The following DIAPH1 variants were observed in gnomAD, a reference collection of about 807,000 sequenced individuals.
DIAPH1 encodes protein diaphanous homolog 1.
A neutral mutation model predicts 140.7 loss-of-function variants in DIAPH1; 46 were observed. That is an observed-to-expected ratio of 0.33 (90% CI 0.26 to 0.42). The LOEUF is 0.42. Ranked by LOEUF, DIAPH1 falls within the 10% of genes least tolerant of loss-of-function variation. The pLI is 1.00. For synonymous variants in DIAPH1, 565 were observed against 551.6 expected (o/e 1.02, Z -0.34); for missense variants, 1,310 against 1,558.7 (o/e 0.84, Z 2.69).
chr5:141,581,563 A>G (rs2099896751), intron 7 of DIAPH1, among the ~76,000 whole-genome samples: 1 of 152,232 alleles, frequency 6.6e-6, no homozygotes, highest in South Asian at 2.1e-4. Flanking sequence ...TAAGTTAATT[A>G]TAACAAAATT....
At position 141,578,262 on chromosome 5, in the gene DIAPH1, G is replaced by A. The variant is rs141629026; in HGVS notation, c.1126C>T (p.Leu376=). The change falls in exon 11 of 28, where the codon CTG becomes TTG. Residue 376 remains leucine, a synonymous_variant. Transcript: ENST00000389054. The part of the protein sequence containing the change: ...DEQGEEDSYD[L]KGRLDDIRME... Reference sequence around the variant, plus strand: ...CGAATGTCATCCAGCCGTCCCTTCAGGTCATAGGAATCCTCTTCCCCTTGT... The same window carrying A: ...CGAATGTCATCCAGCCGTCCCTTCAAGTCATAGGAATCCTCTTCCCCTTGT... 2 of 1,614,024 alleles carry A rather than the reference G, an allele frequency of 1.2e-6. No individual in the cohort carries two copies. Among genetic ancestry groups the A allele is most frequent in the Non-Finnish European group, 1.7e-6 (2 of 1,179,938 alleles).
At chr5:141,595,167 G>A (rs775038116) in intron 1 of DIAPH1, among the ~76,000 whole-genome samples, 1 of 152,162 alleles carries the variant, frequency 6.6e-6, no homozygotes, top group Non-Finnish European at 1.5e-5. Flanking sequence ...AGGGTTGGGG[G>A]AGGCAGGTAG....
chr5:141,572,664 G>C (rs935577906), intron 16 of DIAPH1, among the ~76,000 whole-genome samples: 2 of 151,930 alleles, frequency 1.3e-5, no homozygotes, highest in Non-Finnish European at 2.9e-5. Flanking sequence ...GCCAGGCATG[G>C]TGGCACACGC....
chr5:141,558,652 T>C (rs530374971), intron 18 of DIAPH1, among the ~76,000 whole-genome samples: 41 of 152,134 alleles, frequency 2.7e-4, no homozygotes, highest in Non-Finnish European at 5.0e-4. Context: ...GCCTGCAGCA[T>C]TTGTACCTAT....
intron 18 of DIAPH1, among the ~76,000 whole-genome samples, chr5:141,553,790 A>AAC (rs1596360678): frequency 6.6e-6 from 1 of 152,196 alleles, no homozygotes; most frequent in Admixed American, 6.5e-5. Context: ...TAGAGACAAG[A>AAC]ACAGAAATTA....
intron 19 of DIAPH1, among the ~76,000 whole-genome samples, chr5:141,532,915 G>A (rs1180027145): frequency 6.6e-6 from 1 of 152,038 alleles, no homozygotes; most frequent in African/African-American, 2.4e-5. Context: ...AGATACTCTT[G>A]GGAAGAGGAA....
chr5:141,578,140 T>A (rs2099896232), intron 11 of DIAPH1, 85 bp downstream of exon 11: 5 of 1,007,626 alleles, frequency 5.0e-6, no homozygotes, highest in African/African-American at 1.6e-5. Context: ...TGAGTCATCA[T>A]CTCCCAAACC....
chr5:141,582,297 T>C lies in DIAPH1; in HGVS notation c.684+15A>G. The C allele has an allele frequency of 6.2e-7, 1 of 1,609,520 alleles. No homozygotes were observed. Among genetic ancestry groups the C allele is most frequent in the East Asian group, 2.2e-5 (1 of 44,840 alleles). ...GTCCAGATGGGGTTTGGAATGAGAA[T>C]GGGAAAAATCTCACCTTGTTGTTCA... is the stretch of plus-strand genomic sequence containing the variant. On this transcript the variant is annotated intron_variant, in intron 7 of 27. Transcript: ENST00000389054.
chr5:141,555,368 C>T (rs548900572), intron 18 of DIAPH1, among the ~76,000 whole-genome samples: 8 of 152,270 alleles, frequency 5.3e-5, no homozygotes, highest in Non-Finnish European at 1.0e-4. Flanking sequence ...TCAACTTTGA[C>T]GGTGGGTTAG....
In DIAPH1 at chr5:141,565,830, G is replaced by A. The variant is rs1052063624; in HGVS notation, c.2482+5598C>T. 2.0e-5 allele frequency among the ~76,000 whole-genome samples: 3 copies of A among 152,188 alleles called. No homozygotes were observed. Among genetic ancestry groups the A allele is most frequent in the Non-Finnish European group, 4.4e-5 (3 of 68,038 alleles). ...AGAAAGATCAGCCAGTGAGTTAGCA[G>A]GAAAAGTAAGTGTTTCCTGTCCTGA... On this transcript the variant is annotated intron_variant, in intron 18 of 27. Coordinates refer to ENST00000389054, the MANE Select transcript of DIAPH1 (RefSeq NM_005219.5). The surrounding 1 kb of genome is among the most constrained non-coding windows in gnomAD (Gnocchi z 4.3).
chr5:141,528,652 T>G (rs373518450), intron 22 of DIAPH1, 50 bp downstream of exon 22: 10 of 1,614,120 alleles, frequency 6.2e-6, no homozygotes, highest in Non-Finnish European at 7.6e-6. Context: ...ACTGAACTCA[T>G]AGAGGCTACA....
intron 18 of DIAPH1, among the ~76,000 whole-genome samples, chr5:141,568,100 T>G (rs868767757): frequency 5.9e-5 from 9 of 152,204 alleles, no homozygotes; most frequent in South Asian, 2.1e-4. Context: ...CACTGTACTA[T>G]TTATTTAAGA....
In DIAPH1 at chr5:141,617,296, C is replaced by T. The variant is rs1247823553; in HGVS notation, c.117+1502G>A. 6.7e-5 allele frequency among the ~76,000 whole-genome samples: 10 copies of T among 149,988 alleles called. No individual in the cohort carries two copies. The South Asian group carries it at 1.3e-3, about 19-fold the overall frequency. On this transcript the variant is annotated intron_variant, in intron 1 of 27. Transcript: ENST00000389054. Reference sequence around the variant, plus strand: ...TGTCAATACCCTTAACCTTATATTTCTAGGGGGGGAAAAAAAGATGTTCAC... The same window carrying T: ...TGTCAATACCCTTAACCTTATATTTTTAGGGGGGGAAAAAAAGATGTTCAC...
intron 18 of DIAPH1, chr5:141,558,003 A>T (rs564661788): frequency 4.0e-4 from 61 of 152,276 alleles, no homozygotes; most frequent in African/African-American, 1.4e-3. Flanking sequence ...TGCGGTGGGG[A>T]GTGCCAGACA....
At chr5:141,583,060 A>C (rs1485770587) in intron 6 of DIAPH1, 146 bp downstream of exon 6, 1 of 767,738 alleles carries the variant, frequency 1.3e-6, no homozygotes. Flanking sequence ...TCCTCTAGCC[A>C]CCACTATGAT....
At chr5:141,528,219 T>G (rs549321049) in intron 23 of DIAPH1, among the ~76,000 whole-genome samples, 2 of 152,304 alleles carry the variant, frequency 1.3e-5, no homozygotes, top group East Asian at 3.9e-4. Context: ...TTTCTAGCTG[T>G]TTTTTGGTGT....
chr5:141,573,950 G>A lies in DIAPH1; in HGVS notation c.1900C>T (p.Pro634Ser), dbSNP rs377451775. ...GGTGGAGAGATAGCAGTACCTCCAG[G>A]TAAAGAAGGGGGTGAGGAGATGCAA... is the stretch of plus-strand genomic sequence containing the variant. Reference protein sequence around the residue: ...GVCISSPPSLPGGTAISPPPP... With the variant: ...GVCISSPPSLSGGTAISPPPP... The change falls in exon 16 of 28, where the codon CCT (proline) becomes TCT (serine). Residue 634 changes from proline to serine, a missense_variant. Pro to Ser is a moderately conservative substitution (Grantham distance 74). Coordinates refer to ENST00000389054, the MANE Select transcript of DIAPH1 (RefSeq NM_005219.5). 1 of 1,551,418 alleles carries A rather than the reference G, an allele frequency of 6.4e-7. No homozygotes were observed. Among genetic ancestry groups the A allele is most frequent in the Non-Finnish European group, 8.7e-7 (1 of 1,147,622 alleles).
chr5:141,613,656 A>C (rs2099902199), intron 1 of DIAPH1, among the ~76,000 whole-genome samples: 1 of 152,226 alleles, frequency 6.6e-6, no homozygotes, highest in Non-Finnish European at 1.5e-5. Flanking sequence ...AAGTTGAAAG[A>C]ACAATGAGAG....
chr5:141,605,988 A>C (rs1465270859), intron 1 of DIAPH1, among the ~76,000 whole-genome samples: 1 of 152,186 alleles, frequency 6.6e-6, no homozygotes, highest in Non-Finnish European at 1.5e-5. Flanking sequence ...AAATCACTAG[A>C]GACCTCTAAG....
Sources: allele counts gnomAD v4.1 joint callset (sites outside exome capture counted in the v4.1 genomes callset), GRCh38; gene constraint gnomAD v4.1.1; non-coding constraint Gnocchi (gnomAD v3.1); transcripts MANE v1.5; gene names NCBI Gene and HGNC (gene_info 2026-07-23, HGNC 2026-07-21).